TMEM72: variants seen among roughly 807,000 people sequenced by gnomAD.
TMEM72 encodes kidney-specific secretory protein of 37 kDa.
In TMEM72, 9 loss-of-function variants were observed where a neutral mutation model predicts 16.3. The ratio of observed to expected loss-of-function variants is 0.55; its 90% CI spans 0.33 to 0.96. The LOEUF (loss-of-function observed/expected upper bound fraction) is 0.96. Among genes scored for constraint, TMEM72 ranks in the 40% least tolerant of loss-of-function variants. The probability of loss-of-function intolerance (pLI) is 0.03; values close to 1 mark genes in which losing one functional copy is unlikely to be tolerated. For missense variants in TMEM72, 324 were observed against 337.8 expected, an observed-to-expected ratio of 0.96 and a Z score of 0.32; for synonymous variants, 160 against 146.5, an observed-to-expected ratio of 1.09 and a Z score of -0.66.
chr10:44,915,438 C>A (rs933669308), intron 1 of TMEM72, among the ~76,000 whole-genome samples: 3 of 152,142 alleles, frequency 2.0e-5, no homozygotes, highest in Non-Finnish European at 4.4e-5. Flanking sequence ...TGGAGCGAAG[C>A]ATCTTGCTCA....
At position 44,936,609 on chromosome 10, in the gene TMEM72, C is replaced by G. The variant is rs1373249140; in HGVS notation, c.*1475C>G. 1 of 152,256 alleles carries G rather than the reference C, an allele frequency of 6.6e-6. No homozygotes were observed. The highest frequency in any genetic ancestry group is 2.1e-4 in the South Asian group (1 of 4,836). 9.4% of individuals were successfully genotyped at this position (152,256 alleles called of 1,614,324 possible). On this transcript the variant is annotated 3_prime_UTR_variant, in exon 5 of 5. Transcript: ENST00000389583. ...GCCCTTGATGGTGAGAGCTGCAGAG[C>G]TGTTTCTTCAGCTGCCATCAAGGCA...
At chr10:44,925,672 A>G (rs1459010839) in intron 1 of TMEM72, among the ~76,000 whole-genome samples, 1 of 152,252 alleles carries the variant, frequency 6.6e-6, no homozygotes. Context: ...ACTGAAACTC[A>G]GGATCTGACC....
intron 1 of TMEM72, among the ~76,000 whole-genome samples, chr10:44,917,204 T>C (rs1425122375): frequency 2.0e-5 from 3 of 152,142 alleles, no homozygotes; most frequent in Non-Finnish European, 4.4e-5. Flanking sequence ...AATCACTGTA[T>C]CTACCCTCTG....
chr10:44,935,271 C>T lies in TMEM72; in HGVS notation c.*137C>T. The T allele has an allele frequency of 1.2e-6, 1 of 803,664 alleles. No individual in the cohort carries two copies. The highest frequency in any genetic ancestry group is 2.9e-5 in the East Asian group (1 of 35,052). 49.8% of individuals were successfully genotyped at this position (803,664 alleles called of 1,614,324 possible). ...CCCACACTGGCTGGGCCCCTGAGGC[C>T]ATCAGGAGGTGTGACTGGCCAGCAT... On this transcript the variant is annotated 3_prime_UTR_variant, in exon 5 of 5. Coordinates refer to ENST00000389583, the MANE Select transcript of TMEM72 (RefSeq NM_001123376.3).
chr10:44,929,970 T>C (rs1840269192), intron 2 of TMEM72, among the ~76,000 whole-genome samples: 1 of 152,278 alleles, frequency 6.6e-6, no homozygotes, highest in Non-Finnish European at 1.5e-5. Context: ...CCCTAGCCGC[T>C]GTGCACCATT....
In TMEM72 at chr10:44,919,484, T is replaced by A. The variant is rs1840060677; in HGVS notation, c.70+7902T>A. Among the ~76,000 whole-genome samples the A allele has an allele frequency of 3.9e-5, 6 of 152,350 alleles. No individual in the cohort carries two copies. The South Asian group carries it at 1.2e-3, about 32-fold the overall frequency. ...TATATAATAATCAACTGTATTTCCA[T>A]ACATTAGCAACAAACAATTAGAAAA... On this transcript the variant is annotated intron_variant, in intron 1 of 4. Transcript: ENST00000389583.
At chr10:44,933,574 G>A in intron 3 of TMEM72, 63 bp from the exon 4 acceptor site, 4 of 1,562,448 alleles carry the variant, frequency 2.6e-6, no homozygotes, top group Non-Finnish European at 2.6e-6. Context: ...AGACTCCATG[G>A]CATCCAGTCT....
rs1011309218 is a variant in TMEM72 at position 44,936,350 on chromosome 10, C to T, written c.*1216C>T. 3 of 152,174 alleles carry T rather than the reference C, an allele frequency of 2.0e-5. No individual in the cohort carries two copies. The highest frequency in any genetic ancestry group is 7.2e-5 in the African/African-American group (3 of 41,428). The allele number at this position is 152,174 out of a possible 1,614,324, so 9.4% of individuals were successfully genotyped here. ...CTAACGCAAAGCTCTGTAGAACAAG[C>T]CTTAGAGTGCATGCTCTATGGTCTA... On this transcript the variant is annotated 3_prime_UTR_variant, in exon 5 of 5. Transcript: ENST00000389583.
chr10:44,917,095 G>T (rs1212018353), intron 1 of TMEM72, among the ~76,000 whole-genome samples: 1 of 152,122 alleles, frequency 6.6e-6, no homozygotes, highest in African/African-American at 2.4e-5. Flanking sequence ...TTGCCCTGTG[G>T]GAGTGTATGG....
chr10:44,916,021 T>C (rs1174283796), intron 1 of TMEM72, among the ~76,000 whole-genome samples: 1 of 152,134 alleles, frequency 6.6e-6, no homozygotes. Context: ...AGTGCTGGGC[T>C]CAGTCCTATT....
rs1263806769 is a variant in TMEM72, at chr10:44,911,589, C to T, written c.70+7C>T. 2.6e-6 allele frequency: 4 copies of T among 1,549,834 alleles called. No individual in the cohort carries two copies. Among genetic ancestry groups the T allele is most frequent in the Non-Finnish European group, 3.5e-6 (4 of 1,147,134 alleles). On this transcript the variant is annotated splice_region_variant and intron_variant, in intron 1 of 4. Transcript: ENST00000389583. ...GGCATCACCACTGCTGCAGGTAAGA[C>T]CCTGCCTCCTGGCTGCTGATCCTTG...
intron 1 of TMEM72, among the ~76,000 whole-genome samples, chr10:44,915,833 G>A (rs773391096): frequency 8.5e-5 from 13 of 152,076 alleles, no homozygotes; most frequent in Non-Finnish European, 1.2e-4. Context: ...CAGCACCACC[G>A]TGACCTTCTC....
In TMEM72 at chr10:44,928,017, C is replaced by T. The variant is rs759325451; in HGVS notation, c.137+30C>T. On this transcript the variant is annotated intron_variant, in intron 2 of 4. Coordinates refer to ENST00000389583, the MANE Select transcript of TMEM72 (RefSeq NM_001123376.3). ...GTATGTGTGCATGTGCCACTTTTGA[C>T]CTGCAAGTTCTGCTCAACTCACCCT... 1.9e-6 allele frequency: 3 copies of T among 1,610,594 alleles called. No individual in the cohort carries two copies. The South Asian group carries it at 3.3e-5, about 18-fold the overall frequency.
At chr10:44,913,070 G>A (rs1839960031) in intron 1 of TMEM72, among the ~76,000 whole-genome samples, 1 of 152,206 alleles carries the variant, frequency 6.6e-6, no homozygotes, top group South Asian at 2.1e-4. Context: ...GAGGCTCTGA[G>A]TGGAGGCACT....
At chr10:44,914,511 C>T (rs976617401) in intron 1 of TMEM72, among the ~76,000 whole-genome samples, 4 of 152,340 alleles carry the variant, frequency 2.6e-5, no homozygotes, top group Non-Finnish European at 5.9e-5. Context: ...CATCCATTGC[C>T]GCCCATGGAA....
intron 1 of TMEM72, among the ~76,000 whole-genome samples, chr10:44,921,623 G>A (rs892436150): frequency 5.3e-5 from 8 of 152,216 alleles, no homozygotes; most frequent in Admixed American, 4.6e-4. Flanking sequence ...TGCCCTGGGG[G>A]TATCTGTTCC....
At chr10:44,913,959 A>G (rs1839976415) in intron 1 of TMEM72, among the ~76,000 whole-genome samples, 1 of 152,170 alleles carries the variant, frequency 6.6e-6, no homozygotes, top group Non-Finnish European at 1.5e-5. Flanking sequence ...ACCCAAGGGC[A>G]CTCAGAGTGT....
chr10:44,921,254 G>T (rs1840093934), intron 1 of TMEM72, among the ~76,000 whole-genome samples: 4 of 152,188 alleles, frequency 2.6e-5, no homozygotes, highest in Admixed American at 6.5e-5. Context: ...ACAGAGGCGT[G>T]GGGTGAGCTG....
At chr10:44,929,343 T>A (rs1233684047) in intron 2 of TMEM72, among the ~76,000 whole-genome samples, 1 of 152,170 alleles carries the variant, frequency 6.6e-6, no homozygotes, top group Non-Finnish European at 1.5e-5. Flanking sequence ...GGCTGTGTGT[T>A]CTAGCCCCCC....
Sources: gnomAD v4.1 joint callset for allele counts (sites outside exome capture counted in the v4.1 genomes callset) on GRCh38, gnomAD v4.1.1 for gene constraint, MANE v1.5 for transcripts, NCBI Gene and HGNC (gene_info 2026-07-23, HGNC 2026-07-21) for gene names.